The following UGT1A8 variants were observed in gnomAD, a reference collection of about 807,000 sequenced individuals.
UGT1A8 encodes UDP glucuronosyltransferase family 1 member A8, also known as UDP-glucuronosyltransferase 1A8.
UGT1A8 carries 39 observed loss-of-function variants against 45.3 expected under a neutral mutation model. The observed-to-expected ratio is 0.86, with a 90% CI of 0.67 to 1.12. UGT1A8 has a LOEUF of 1.12. Ranked by LOEUF, UGT1A8 falls within the 50% of genes most tolerant of loss-of-function variation. The probability of loss-of-function intolerance (pLI) is 0.00; values close to 1 mark genes in which losing one functional copy is unlikely to be tolerated. For missense variants in UGT1A8, 719 were observed against 664.9 expected, an observed-to-expected ratio of 1.08 and a Z score of -0.90; for synonymous variants, 275 against 249.2, an observed-to-expected ratio of 1.10 and a Z score of -0.97.
chr2:233,624,065 C>T (rs990356691), intron 1 of UGT1A8, among the ~76,000 whole-genome samples: 15 of 152,114 alleles, frequency 9.9e-5, no homozygotes, highest in African/African-American at 2.9e-4. Context: ...ACCCTGTACC[C>T]GGTTTCCCCC....
At chr2:233,669,372 T>A (rs116496121) in intron 1 of UGT1A8, among the ~76,000 whole-genome samples, 1,584 of 152,276 alleles carry the variant, frequency 0.01, 41 homozygotes, top group African/African-American at 0.036. Context: ...GGAATTTAGA[T>A]TGGGGTTGTA....
intron 1 of UGT1A8, chr2:233,750,653 C>CT (rs915876685): frequency 6.6e-6 from 1 of 151,896 alleles, no homozygotes; most frequent in African/African-American, 2.4e-5. Flanking sequence ...AGCCTCAGGA[C>CT]TTGGTGCCCT....
intron 1 of UGT1A8, chr2:233,636,914 G>T: frequency 6.2e-7 from 1 of 1,614,086 alleles, no homozygotes; most frequent in Non-Finnish European, 8.5e-7. Flanking sequence ...TTTAATGACC[G>T]AAAATTAGTA....
At chr2:233,625,544 G>A (rs1280490239) in intron 1 of UGT1A8, among the ~76,000 whole-genome samples, 1 of 151,888 alleles carries the variant, frequency 6.6e-6, no homozygotes, top group Non-Finnish European at 1.5e-5. Context: ...ATCAACCTAG[G>A]TGCCTGTCAA....
chr2:233,682,772 C>T, intron 1 of UGT1A8: 1 of 1,613,256 alleles, frequency 6.2e-7, no homozygotes, highest in Admixed American at 1.7e-5. Flanking sequence ...CAACTGTCAT[C>T]AGGGAAAGCC....
chr2:233,693,047 G>T (rs2075129391), intron 1 of UGT1A8: 2 of 1,614,146 alleles, frequency 1.2e-6, no homozygotes, highest in Non-Finnish European at 1.7e-6. Flanking sequence ...TTCTGCAGGG[G>T]TTTTCTTCTT....
chr2:233,639,525 G>T (rs1303105396), intron 1 of UGT1A8, among the ~76,000 whole-genome samples: 1 of 152,200 alleles, frequency 6.6e-6, no homozygotes, highest in African/African-American at 2.4e-5. Flanking sequence ...TGGGAAACAG[G>T]ATTCAGAGTC....
chr2:233,712,843 G>A (rs556220136), intron 1 of UGT1A8: 13 of 1,515,268 alleles, frequency 8.6e-6, no homozygotes, highest in African/African-American at 1.4e-5. Flanking sequence ...ATAGATTAAC[G>A]GGTAATAAGT....
At chr2:233,748,877 GAAT>G (rs1390549231) in intron 1 of UGT1A8, among the ~76,000 whole-genome samples, 4 of 151,560 alleles carry the variant, frequency 2.6e-5, no homozygotes, top group Non-Finnish European at 4.4e-5. Flanking sequence ...GGACGGTGAT[GAAT>G]GGACATGTGT....
intron 1 of UGT1A8, among the ~76,000 whole-genome samples, chr2:233,707,608 G>A (rs2075975887): frequency 2.0e-5 from 3 of 148,460 alleles, no homozygotes; most frequent in Admixed American, 2.0e-4. Flanking sequence ...GTTGTAGTTT[G>A]TGGATTGTCA....
chr2:233,698,310 A>G (rs922049973), intron 1 of UGT1A8, among the ~76,000 whole-genome samples: 1 of 152,222 alleles, frequency 6.6e-6, no homozygotes, highest in Non-Finnish European at 1.5e-5. Flanking sequence ...GGACAGATGG[A>G]AATGTCTGGA....
chr2:233,745,152 G>T (rs1403503351), intron 1 of UGT1A8, among the ~76,000 whole-genome samples: 1 of 151,720 alleles, frequency 6.6e-6, no homozygotes, highest in Non-Finnish European at 1.5e-5. Flanking sequence ...GTATATGGAG[G>T]GTCAAATGTG....
chr2:233,682,062 A>T (rs754287322), intron 1 of UGT1A8: 1 of 1,614,126 alleles, frequency 6.2e-7, no homozygotes, highest in Admixed American at 1.7e-5. Context: ...TTCACCATGC[A>T]GTCGGTGGTG....
In UGT1A8 at chr2:233,703,925, C is replaced by G. The variant is rs576814000; in HGVS notation, c.856-63109C>G. Among the ~76,000 whole-genome samples, 290 of 151,880 alleles carry G rather than the reference C, an allele frequency of 1.9e-3. 2 individuals carry two copies. Among genetic ancestry groups the G allele is most frequent in the African/African-American group, 6.7e-3 (277 of 41,416 alleles). ...TTTTTTTTTGAGACAAAATCTCATT[C>G]TGTTACCCAGACTGGAGTGCAGTGG... On this transcript the variant is annotated intron_variant, in intron 1 of 4. Coordinates refer to ENST00000373450, the MANE Select transcript of UGT1A8 (RefSeq NM_019076.5).
At chr2:233,696,081 T>C (rs1265342336) in intron 1 of UGT1A8, among the ~76,000 whole-genome samples, 2 of 152,144 alleles carry the variant, frequency 1.3e-5, no homozygotes, top group East Asian at 3.8e-4. Context: ...AAGAACAGTA[T>C]GGAGAGTCTT....
intron 1 of UGT1A8, chr2:233,761,263 A>G (rs953290784): frequency 6.9e-6 from 11 of 1,601,374 alleles, no homozygotes; most frequent in Non-Finnish European, 9.4e-6. Flanking sequence ...ATAATTTAAA[A>G]TGCCCTCTTT....
intron 1 of UGT1A8, among the ~76,000 whole-genome samples, chr2:233,727,780 G>A (rs1337158830): frequency 6.6e-6 from 1 of 152,168 alleles, no homozygotes. Flanking sequence ...CCCAGTAGAC[G>A]CTTCCATTCA....
At chr2:233,738,562 T>A (rs1039423006) in intron 1 of UGT1A8, among the ~76,000 whole-genome samples, 1 of 152,186 alleles carries the variant, frequency 6.6e-6, no homozygotes, top group Admixed American at 6.5e-5. Context: ...AGATGAGGAA[T>A]CTGTTGAGAA....
chr2:233,765,482 C>T (rs1647966215), intron 1 of UGT1A8, among the ~76,000 whole-genome samples: 1 of 152,108 alleles, frequency 6.6e-6, no homozygotes, highest in South Asian at 2.1e-4. Context: ...TGGAAGCCAT[C>T]ATCCTCCACA....
Sources: gnomAD v4.1 joint callset for allele counts (sites outside exome capture counted in the v4.1 genomes callset) on GRCh38, gnomAD v4.1.1 for gene constraint, MANE v1.5 for transcripts, NCBI Gene and HGNC (gene_info 2026-07-23, HGNC 2026-07-21) for gene names.